UNC5C: variants seen among roughly 807,000 people sequenced by gnomAD.
UNC5C encodes the protein netrin receptor UNC5C.
UNC5C carries 47 observed loss-of-function variants against 99.8 expected under a neutral mutation model. That is an observed-to-expected ratio of 0.47 (90% CI 0.37 to 0.60). The LOEUF (loss-of-function observed/expected upper bound fraction) is 0.60, where lower values mean the gene tolerates loss of function less well. Ranked by LOEUF, UNC5C falls within the 20% of genes least tolerant of loss-of-function variation. The pLI is 0.00. For missense variants in UNC5C, 1,062 were observed against 1,165.9 expected, an observed-to-expected ratio of 0.91 and a Z score of 1.30; for synonymous variants, 487 against 452.2, an observed-to-expected ratio of 1.08 and a Z score of -0.98.
At chr4:95,506,035 G>T (rs1721912370) in intron 1 of UNC5C, among the ~76,000 whole-genome samples, 1 of 151,880 alleles carries the variant, frequency 6.6e-6, no homozygotes, top group African/African-American at 2.4e-5. Context: ...CTGGAAAAAA[G>T]AAAAGGATGA....
intron 1 of UNC5C, among the ~76,000 whole-genome samples, chr4:95,514,597 C>G (rs977621546): frequency 6.7e-6 from 1 of 149,754 alleles, no homozygotes; most frequent in Non-Finnish European, 1.5e-5. Flanking sequence ...TTACATTAGC[C>G]TGTGTGTTCT....
chr4:95,183,342 CAT>C (rs915749565), intron 13 of UNC5C, among the ~76,000 whole-genome samples: 27 of 151,420 alleles, frequency 1.8e-4, no homozygotes, highest in Non-Finnish European at 2.8e-4. Flanking sequence ...CAGTCTGCCA[CAT>C]GTCTCTAATT....
At chr4:95,428,270 G>A (rs1434862687) in intron 1 of UNC5C, among the ~76,000 whole-genome samples, 1 of 152,000 alleles carries the variant, frequency 6.6e-6, no homozygotes, top group Non-Finnish European at 1.5e-5. Context: ...CCACCACATC[G>A]TAATCTTGGC....
At chr4:95,545,451 A>G (rs1723032052) in intron 1 of UNC5C, among the ~76,000 whole-genome samples, 1 of 152,190 alleles carries the variant, frequency 6.6e-6, no homozygotes, top group Admixed American at 6.5e-5. Flanking sequence ...AATTGTAATG[A>G]ACTTTAGTTG....
intron 1 of UNC5C, among the ~76,000 whole-genome samples, chr4:95,394,134 C>A (rs1055895139): frequency 3.9e-5 from 6 of 152,030 alleles, no homozygotes; most frequent in Admixed American, 6.6e-5. Context: ...TAAATCTACT[C>A]TTTTCTGCAG....
At chr4:95,423,995 A>C (rs749145979) in intron 1 of UNC5C, among the ~76,000 whole-genome samples, 4 of 152,240 alleles carry the variant, frequency 2.6e-5, no homozygotes, top group Non-Finnish European at 4.4e-5. Context: ...ACTATATAAC[A>C]AAATTGATCA....
chr4:95,453,533 C>T (rs953132815), intron 1 of UNC5C, among the ~76,000 whole-genome samples: 3 of 151,830 alleles, frequency 2.0e-5, no homozygotes, highest in Non-Finnish European at 4.4e-5. Context: ...AAACAGAACC[C>T]AGTAAAATCA....
rs959716691 is a variant in UNC5C at position 95,313,694 on chromosome 4, T to C, written c.347-11945A>G. Among the ~76,000 whole-genome samples, 6 of 152,172 alleles carry C rather than the reference T, an allele frequency of 3.9e-5. No individual in the cohort carries two copies. In the East Asian group the frequency reaches 7.7e-4, roughly 20 times the overall value. On this transcript the variant is annotated intron_variant, in intron 2 of 15. Transcript: ENST00000453304. Reference sequence around the variant, plus strand: ...CACACATAGTATGTTCTATTGAGGATTGCTATTTGTTTATCTTAAAAGCAA... The same window carrying C: ...CACACATAGTATGTTCTATTGAGGACTGCTATTTGTTTATCTTAAAAGCAA...
intron 1 of UNC5C, among the ~76,000 whole-genome samples, chr4:95,480,655 C>T (rs1721120492): frequency 6.6e-6 from 1 of 152,032 alleles, no homozygotes; most frequent in East Asian, 1.9e-4. Context: ...AAAAGCTTAT[C>T]CACCATGATC....
chr4:95,495,841 AG>A (rs1721615709), intron 1 of UNC5C, among the ~76,000 whole-genome samples: 1 of 151,758 alleles, frequency 6.6e-6, no homozygotes, highest in South Asian at 2.1e-4. Flanking sequence ...AGGGCCAAAA[AG>A]GAGAAGAAAA....
chr4:95,479,025 C>T (rs907703895), intron 1 of UNC5C, among the ~76,000 whole-genome samples: 3 of 151,970 alleles, frequency 2.0e-5, no homozygotes, highest in Non-Finnish European at 4.4e-5. Context: ...CCTGAAGCCT[C>T]ACCAGAAGCT....
intron 2 of UNC5C, among the ~76,000 whole-genome samples, chr4:95,325,549 G>C (rs1301190979): frequency 6.6e-6 from 1 of 152,114 alleles, no homozygotes; most frequent in Non-Finnish European, 1.5e-5. Flanking sequence ...ATCTGAAACA[G>C]GAATACAAAA....
intron 10 of UNC5C, among the ~76,000 whole-genome samples, chr4:95,212,876 C>CCT (rs1343691179): frequency 1.3e-5 from 2 of 152,152 alleles, no homozygotes; most frequent in Non-Finnish European, 2.9e-5. Context: ...CTCTCCATAC[C>CCT]CTCTCCATTC....
intron 7 of UNC5C, among the ~76,000 whole-genome samples, chr4:95,237,958 C>G (rs940790115): frequency 3.9e-5 from 6 of 152,134 alleles, no homozygotes; most frequent in Admixed American, 2.0e-4. Flanking sequence ...AGGAGAATCA[C>G]TTGAACCAGG....
At chr4:95,328,061 AAT>A (rs1742963445) in intron 2 of UNC5C, among the ~76,000 whole-genome samples, 2 of 56,698 alleles carry the variant, frequency 3.5e-5, no homozygotes, top group Non-Finnish European at 7.2e-5. Context: ...TTTTTTTTTT[AAT>A]TTTTTTTTTT....
chr4:95,257,917 T>C (rs1298481250), intron 4 of UNC5C, among the ~76,000 whole-genome samples: 1 of 152,228 alleles, frequency 6.6e-6, no homozygotes, highest in Non-Finnish European at 1.5e-5. Context: ...GATAAAGCGT[T>C]AATAAAACTT....
At chr4:95,339,601 G>A (rs1400925836) in intron 1 of UNC5C, among the ~76,000 whole-genome samples, 3 of 151,904 alleles carry the variant, frequency 2.0e-5, no homozygotes, top group Non-Finnish European at 4.4e-5. Context: ...ATAAATATCT[G>A]AAGGAGTGAC....
chr4:95,220,043 A>G lies in UNC5C; in HGVS notation c.1242T>C (p.Ile414=), dbSNP rs1198959843. ...KNHRDFESDI[I]DSSALNGGFQ... is the part of the protein sequence containing the mutation. ...AGCCCCCATTGAGTGCCGAAGAGTC[A>G]ATAATATCTGACTCAAAGTCACGAT... is the stretch of plus-strand genomic sequence containing the variant. Residue 414 remains isoleucine (I), a synonymous_variant, in exon 8 of 16, where the codon ATT becomes ATC. Transcript: ENST00000453304. 2 of 1,614,042 alleles carry G rather than the reference A, an allele frequency of 1.2e-6. No individual in the cohort carries two copies. The highest frequency in any genetic ancestry group is 2.7e-5 in the African/African-American group (2 of 74,918).
chr4:95,179,524 A>G (rs1736517735), intron 14 of UNC5C, among the ~76,000 whole-genome samples: 1 of 152,168 alleles, frequency 6.6e-6, no homozygotes, highest in Non-Finnish European at 1.5e-5. Context: ...AGGTGGGTGG[A>G]TGACCTGAGC....
Sources: gnomAD v4.1 joint callset for allele counts (sites outside exome capture counted in the v4.1 genomes callset) on GRCh38, gnomAD v4.1.1 for gene constraint, MANE v1.5 for transcripts, NCBI Gene and HGNC (gene_info 2026-07-23, HGNC 2026-07-21) for gene names.